RGS3: variants seen among roughly 807,000 people sequenced by gnomAD.
RGS3 encodes the protein regulator of G-protein signalling 3.
Under a neutral mutation model 132.6 loss-of-function variants are expected in RGS3, and 80 were observed. The ratio of observed to expected loss-of-function variants is 0.60; its 90% CI spans 0.50 to 0.73. The LOEUF (loss-of-function observed/expected upper bound fraction) is 0.73, where lower values mean the gene tolerates loss of function less well. RGS3 is among the 30% of genes least tolerant of loss of function. The pLI is 0.00. For synonymous variants in RGS3, 598 were observed against 620.6 expected, an observed-to-expected ratio of 0.96 and a Z score of 0.54; for missense variants, 1,382 against 1,530.8, an observed-to-expected ratio of 0.90 and a Z score of 1.62.
intron 19 of RGS3, among the ~76,000 whole-genome samples, chr9:113,558,542 G>A (rs117507747): frequency 0.024 from 3,720 of 152,168 alleles, 66 homozygotes; most frequent in Admixed American, 0.037. Context: ...AACAGATGGT[G>A]CCATTCTCTG....
intron 1 of RGS3, among the ~76,000 whole-genome samples, chr9:113,461,002 CAG>C (rs1379038752): frequency 2.0e-5 from 3 of 151,928 alleles, no homozygotes; most frequent in Admixed American, 1.3e-4. Context: ...GTGCATGTGT[CAG>C]TGTGATGTGT....
Position 113,578,299 on chromosome 9 carries a change from C to T in RGS3, c.2038-5151C>T, listed in dbSNP as rs1283900042. 2.0e-5 allele frequency among the ~76,000 whole-genome samples: 3 copies of T among 152,298 alleles called. No homozygotes were observed. The East Asian group carries it at 5.8e-4, about 29-fold the overall frequency. On this transcript the variant is annotated intron_variant, in intron 19 of 24. Coordinates refer to ENST00000350696, the Ensembl canonical transcript of RGS3. The stretch of plus-strand genomic sequence containing the variant: ...TTTATTGAGTGCTCATGGGTGCCCT[C>T]ATGGTGCTGAGCTCTGGATACTCAT...
chr9:113,448,497 G>A (rs1159066618), intron 1 of RGS3, among the ~76,000 whole-genome samples: 1 of 151,678 alleles, frequency 6.6e-6, no homozygotes, highest in East Asian at 1.9e-4. Context: ...TCATTCTTTA[G>A]GTCTCAGCTT....
chr9:113,480,254 C>G (rs1191966343), intron 4 of RGS3, among the ~76,000 whole-genome samples: 1 of 151,956 alleles, frequency 6.6e-6, no homozygotes, highest in Admixed American at 6.6e-5. Context: ...GTCAGGAGTT[C>G]AAGACCGGCC....
intron 7 of RGS3, among the ~76,000 whole-genome samples, chr9:113,485,946 C>T (rs1588150910): frequency 6.6e-6 from 1 of 152,184 alleles, no homozygotes; most frequent in East Asian, 1.9e-4. Flanking sequence ...GGGAAGCCGA[C>T]CAGCCTACAC....
chr9:113,583,515 C>T (rs111638489), exon 20 of RGS3: 111 of 1,614,170 alleles, frequency 6.9e-5, no homozygotes, highest in Admixed American at 3.5e-4. Context: ...GGCCTGGTGC[C>T]GAGGATTCCC....
intron 4 of RGS3, among the ~76,000 whole-genome samples, chr9:113,480,108 A>ACTGTT (rs1830112216): frequency 6.6e-6 from 1 of 152,184 alleles, no homozygotes; most frequent in Non-Finnish European, 1.5e-5. Context: ...ACTGTTAGTA[A>ACTGTT]AGTGCTTAGA....
intron 16 of RGS3, chr9:113,522,120 C>T (rs915329744): frequency 2.0e-5 from 3 of 152,142 alleles, no homozygotes; most frequent in Non-Finnish European, 4.4e-5. Flanking sequence ...GTTGGTTTAC[C>T]TATAATGTCT....
intron 3 of RGS3, among the ~76,000 whole-genome samples, chr9:113,469,189 G>C (rs1829745360): frequency 6.6e-6 from 1 of 152,004 alleles, no homozygotes; most frequent in Non-Finnish European, 1.5e-5. Context: ...CTTGGGAACA[G>C]ATGTCAGCCA....
At chr9:113,497,914 G>A in intron 9 of RGS3, 111 bp from the exon 8 acceptor site, 1 of 1,042,582 alleles carries the variant, frequency 9.6e-7, no homozygotes, top group Non-Finnish European at 1.5e-6. Context: ...GCCAGGAGTG[G>A]CCCTGGGCAG....
At chr9:113,483,016 T>C in intron 4 of RGS3, 43 bp from the exon 3 acceptor site, 1 of 1,613,632 alleles carries the variant, frequency 6.2e-7, no homozygotes, top group Non-Finnish European at 8.5e-7. Flanking sequence ...TGTGTGTGTG[T>C]ATGTTTCCAT....
chr9:113,492,686 G>T (rs900307212), intron 7 of RGS3, among the ~76,000 whole-genome samples: 1 of 152,140 alleles, frequency 6.6e-6, no homozygotes, highest in African/African-American at 2.4e-5. Flanking sequence ...TAGTTCCCAA[G>T]TTTATAAACT....
chr9:113,524,669 C>A (rs1448692585), intron 17 of RGS3, among the ~76,000 whole-genome samples: 7 of 152,196 alleles, frequency 4.6e-5, no homozygotes, highest in Non-Finnish European at 1.0e-4. Flanking sequence ...TTTCCCTTTG[C>A]CTTCAGTTTC....
chr9:113,571,182 G>C (rs1340272561), intron 19 of RGS3, among the ~76,000 whole-genome samples: 26 of 152,182 alleles, frequency 1.7e-4, no homozygotes, highest in Non-Finnish European at 1.5e-5. Context: ...TTTACAGTTT[G>C]AGGCTATAAT....
intron 17 of RGS3, among the ~76,000 whole-genome samples, chr9:113,528,450 A>C (rs1832316335): frequency 6.6e-6 from 1 of 152,196 alleles, no homozygotes; most frequent in Non-Finnish European, 1.5e-5. Context: ...CCTTGAGTCC[A>C]AACTCAACAG....
intron 1 of RGS3, among the ~76,000 whole-genome samples, chr9:113,455,241 C>CT (rs1217307036): frequency 6.6e-6 from 1 of 152,170 alleles, no homozygotes; most frequent in Non-Finnish European, 1.5e-5. Context: ...TTTGTCCAGT[C>CT]TTTTAGTTGT....
chr9:113,556,396 A>AAATAAT (rs145756832), intron 19 of RGS3, among the ~76,000 whole-genome samples: 4 of 151,614 alleles, frequency 2.6e-5, no homozygotes, highest in African/African-American at 7.3e-5. Context: ...TTCCTACTAC[A>AAATAAT]AATAATAATA....
At position 113,476,590 on chromosome 9, in the gene RGS3, G is replaced by A. The variant is rs182731590; in HGVS notation, c.416-2901G>A. Reference sequence around the variant, plus strand: ...TCCTGAGAAGCCCCTGGCTGGCAGGGCCTGGAACGGGAGCAGTGCAGTGTG... The same window carrying A: ...TCCTGAGAAGCCCCTGGCTGGCAGGACCTGGAACGGGAGCAGTGCAGTGTG... On this transcript the variant is annotated intron_variant, in intron 3 of 24. Coordinates refer to ENST00000350696, the Ensembl canonical transcript of RGS3. Among the ~76,000 whole-genome samples, 7 of 152,312 alleles carry A rather than the reference G, an allele frequency of 4.6e-5. No homozygotes were observed. The East Asian group carries it at 1.2e-3, about 25-fold the overall frequency.
At chr9:113,553,460 ATATATAT>A (rs1321374185) in intron 19 of RGS3, among the ~76,000 whole-genome samples, 1 of 49,812 alleles carries the variant, frequency 2.0e-5, no homozygotes, top group Non-Finnish European at 3.7e-5. Flanking sequence ...AAAAAAAAAA[ATATATAT>A]ATATATATAT....
Sources: gnomAD v4.1 joint callset for allele counts (sites outside exome capture counted in the v4.1 genomes callset) on GRCh38, gnomAD v4.1.1 for gene constraint, MANE v1.5 for transcripts, NCBI Gene and HGNC (gene_info 2026-07-23, HGNC 2026-07-21) for gene names.